Variants in MBNL2 observed in about 807,000 individuals in gnomAD.
The protein encoded by MBNL2 is muscleblind-like protein 2.
Under a neutral mutation model 41.9 loss-of-function variants are expected in MBNL2, and 17 were observed. The observed-to-expected ratio is 0.41, with a 90% CI of 0.28 to 0.61. MBNL2 has a LOEUF of 0.61. MBNL2 is among the 20% of genes least tolerant of loss of function. The probability of loss-of-function intolerance (pLI) is 0.35; values close to 1 mark genes in which losing one functional copy is unlikely to be tolerated. For synonymous variants in MBNL2, 195 were observed against 182.9 expected, an observed-to-expected ratio of 1.07 and a Z score of -0.53; for missense variants, 336 against 505.6, an observed-to-expected ratio of 0.66 and a Z score of 3.22.
chr13:97,169,244 T>C, the MBNL2 span, among the ~76,000 whole-genome samples: 2 of 152,218 alleles, frequency 1.3e-5, no homozygotes, highest in Non-Finnish European at 2.9e-5. Context: ...TTGTAGTTCT[T>C]ACTGGACACT....
At chr13:97,228,361 A>C (rs2041933375) in intron 1 of MBNL2, among the ~76,000 whole-genome samples, 1 of 152,048 alleles carries the variant, frequency 6.6e-6, no homozygotes, top group African/African-American at 2.4e-5. Context: ...AAAATAATTC[A>C]TTTGCAGAAA....
At chr13:97,186,846 AAAG>A in the MBNL2 span, among the ~76,000 whole-genome samples, 1 of 152,198 alleles carries the variant, frequency 6.6e-6, no homozygotes, top group Non-Finnish European at 1.5e-5. Context: ...ACACCAAAAA[AAAG>A]GGGGTGGAAA....
intron 6 of MBNL2, among the ~76,000 whole-genome samples, chr13:97,357,171 A>G (rs1459480353): frequency 6.6e-6 from 1 of 152,158 alleles, no homozygotes; most frequent in Non-Finnish European, 1.5e-5. Flanking sequence ...AATAACACCA[A>G]TGCTTCGTCC....
At chr13:97,358,599 C>T (rs2063169949) in intron 7 of MBNL2, among the ~76,000 whole-genome samples, 1 of 152,196 alleles carries the variant, frequency 6.6e-6, no homozygotes, top group Non-Finnish European at 1.5e-5. Flanking sequence ...CACACACGCA[C>T]ACCATACGCA....
At chr13:97,298,421 C>T (rs181028264) in intron 2 of MBNL2, among the ~76,000 whole-genome samples, 41 of 152,230 alleles carry the variant, frequency 2.7e-4, no homozygotes, top group Non-Finnish European at 4.9e-4. Flanking sequence ...TGCTGTATCC[C>T]AAGCACCTAG....
chr13:97,187,593 T>TAAAAAAAAAAA, the MBNL2 span, among the ~76,000 whole-genome samples: 14 of 51,492 alleles, frequency 2.7e-4, 2 homozygotes, highest in African/African-American at 8.2e-4. Flanking sequence ...CTATGCAGCT[T>TAAAAAAAAAAA]AAAAAAAAAA....
chr13:97,202,713 GA>G, the MBNL2 span, among the ~76,000 whole-genome samples: 1 of 152,310 alleles, frequency 6.6e-6, no homozygotes, highest in East Asian at 1.9e-4. Context: ...ATGCAGCAAG[GA>G]AGTCAAAAGG....
chr13:97,322,479 G>A (rs1396569319), intron 2 of MBNL2, among the ~76,000 whole-genome samples: 1 of 152,158 alleles, frequency 6.6e-6, no homozygotes, highest in African/African-American at 2.4e-5. Context: ...AAAACCCATT[G>A]TAAATTGAAT....
At position 97,393,084 on chromosome 13, in the gene MBNL2, C is replaced by T. The variant is rs996085484; in HGVS notation, c.*1635C>T. ...TAACCCTATCTAAAAGAAAGTCACA[C>T]GCTAAATGTATTCTTACATAGTGCT... On this transcript the variant is annotated 3_prime_UTR_variant, in exon 9 of 9. Transcript: ENST00000679496. 1 of 152,342 alleles carries T rather than the reference C, an allele frequency of 6.6e-6. No homozygotes were observed. The highest frequency in any genetic ancestry group is 6.6e-5 in the Admixed American group (1 of 15,240). 9.4% of individuals were successfully genotyped at this position (152,342 alleles called of 1,614,324 possible).
the MBNL2 span, among the ~76,000 whole-genome samples, chr13:97,185,010 C>G: frequency 1.3e-5 from 2 of 152,246 alleles, no homozygotes; most frequent in East Asian, 3.9e-4. Flanking sequence ...TTACATATTT[C>G]CTTTTGGGCT....
chr13:97,207,483 A>G, the MBNL2 span, among the ~76,000 whole-genome samples: 2 of 152,168 alleles, frequency 1.3e-5, no homozygotes, highest in Non-Finnish European at 2.9e-5. Context: ...AAGGATAGAA[A>G]GCTCATGCAG....
intron 5 of MBNL2, among the ~76,000 whole-genome samples, chr13:97,349,828 C>A (rs2062270146): frequency 6.6e-6 from 1 of 152,224 alleles, no homozygotes; most frequent in Non-Finnish European, 1.5e-5. Flanking sequence ...AGCTTCTCTA[C>A]AAGACCCAGG....
intron 1 of MBNL2, among the ~76,000 whole-genome samples, chr13:97,229,645 G>A (rs2042119120): frequency 6.6e-6 from 1 of 152,184 alleles, no homozygotes; most frequent in South Asian, 2.1e-4. Context: ...ATGTGGTATA[G>A]TGGCCAGGAA....
upstream of MBNL2, chr13:97,222,288 G>A (rs891169543): frequency 1.1e-4 from 45 of 397,264 alleles, no homozygotes; most frequent in African/African-American, 8.6e-4. Context: ...CCGGCTGGGA[G>A]GGATTTGTCG....
At chr13:97,369,989 T>G (rs970302184) in intron 8 of MBNL2, among the ~76,000 whole-genome samples, 3 of 152,120 alleles carry the variant, frequency 2.0e-5, no homozygotes, top group Non-Finnish European at 4.4e-5. Flanking sequence ...AACCTCTTAT[T>G]ATGTGCCAGG....
At chr13:97,311,813 C>T (rs912174390) in intron 2 of MBNL2, among the ~76,000 whole-genome samples, 2 of 152,202 alleles carry the variant, frequency 1.3e-5, no homozygotes, top group Admixed American at 6.5e-5. Context: ...GTCCTCTCTC[C>T]TTAGCAGCCT....
At position 97,242,530 on chromosome 13, in the gene MBNL2, C is replaced by A. The variant is rs541875601; in HGVS notation, c.-605+19999C>A. Reference sequence around the variant, plus strand: ...TCTTCTACCCAAAATATAATCCTGACCCTGAACTTGTGATTTTGCAGGGCA... The same window carrying A: ...TCTTCTACCCAAAATATAATCCTGAACCTGAACTTGTGATTTTGCAGGGCA... On this transcript the variant is annotated intron_variant, in intron 1 of 8. Coordinates refer to ENST00000679496, the MANE Select transcript of MBNL2 (RefSeq NM_001382683.1). Among the ~76,000 whole-genome samples the A allele has an allele frequency of 2.0e-5, 3 of 152,118 alleles. No homozygotes were observed. The South Asian group carries it at 6.2e-4, about 32-fold the overall frequency.
At chr13:97,264,591 T>C (rs1006111387) in intron 1 of MBNL2, among the ~76,000 whole-genome samples, 1 of 152,240 alleles carries the variant, frequency 6.6e-6, no homozygotes, top group African/African-American at 2.4e-5. Flanking sequence ...TTTATAGTTA[T>C]GGCAATATAT....
At chr13:97,233,601 T>G (rs1214084546) in intron 1 of MBNL2, among the ~76,000 whole-genome samples, 1 of 151,692 alleles carries the variant, frequency 6.6e-6, no homozygotes, top group Non-Finnish European at 1.5e-5. Flanking sequence ...GCCTCAAGTA[T>G]CAGCCTCCTG....
Sources: allele counts gnomAD v4.1 joint callset (sites outside exome capture counted in the v4.1 genomes callset), GRCh38; gene constraint gnomAD v4.1.1; transcripts MANE v1.5; gene names NCBI Gene and HGNC (gene_info 2026-07-23, HGNC 2026-07-21).